The following CSMD1 variants were observed in gnomAD, a reference collection of about 807,000 sequenced individuals.
CSMD1 encodes CUB and sushi domain-containing protein 1.
Under a neutral mutation model 417.5 loss-of-function variants are expected in CSMD1, and 213 were observed. The observed-to-expected ratio is 0.51, with a 90% CI of 0.46 to 0.57. CSMD1 has a LOEUF of 0.57. Among genes scored for constraint, CSMD1 ranks in the 20% least tolerant of loss-of-function variants. CSMD1 has a pLI of 0.00. For synonymous variants in CSMD1, 2,862 were observed against 1,736.8 expected (o/e 1.65, Z -16.11); for missense variants, 6,923 against 4,529.7 (o/e 1.53, Z -15.17).
chr8:4,651,071 T>G (rs1380670716), intron 1 of CSMD1, among the ~76,000 whole-genome samples: 1 of 152,118 alleles, frequency 6.6e-6, no homozygotes, highest in African/African-American at 2.4e-5. Flanking sequence ...TTAGATCTAG[T>G]GCAGATGTCT....
chr8:3,603,700 T>A (rs1322593090), intron 8 of CSMD1, among the ~76,000 whole-genome samples: 1 of 152,232 alleles, frequency 6.6e-6, no homozygotes, highest in East Asian at 1.9e-4. Context: ...TTGTATTCAT[T>A]ATAGTTTCCA....
At chr8:3,725,208 G>A (rs1802414267) in intron 6 of CSMD1, among the ~76,000 whole-genome samples, 1 of 152,138 alleles carries the variant, frequency 6.6e-6, no homozygotes, top group Non-Finnish European at 1.5e-5. Flanking sequence ...AAATGAAAGT[G>A]AAAAGAGATT....
intron 3 of CSMD1, among the ~76,000 whole-genome samples, chr8:4,039,155 A>C (rs995709904): frequency 1.3e-5 from 2 of 152,202 alleles, no homozygotes; most frequent in African/African-American, 4.8e-5. Context: ...GCATGTGTAC[A>C]ATCAGTGGAA....
At chr8:3,485,574 G>A (rs1404631211) in intron 11 of CSMD1, among the ~76,000 whole-genome samples, 2 of 150,756 alleles carry the variant, frequency 1.3e-5, no homozygotes, top group Non-Finnish European at 3.0e-5. Flanking sequence ...GGGAGAGAGA[G>A]AAACACAAAT....
intron 1 of CSMD1, among the ~76,000 whole-genome samples, chr8:4,752,656 C>A (rs569129964): frequency 3.3e-5 from 5 of 152,224 alleles, no homozygotes; most frequent in Admixed American, 3.3e-4. Flanking sequence ...TATTTTCTCT[C>A]CAGCAGATAA....
At chr8:3,119,945 T>C (rs1817099470) in intron 41 of CSMD1, among the ~76,000 whole-genome samples, 1 of 152,148 alleles carries the variant, frequency 6.6e-6, no homozygotes, top group South Asian at 2.1e-4. Context: ...AAATAAAGTC[T>C]CCGAGCTTCT....
At chr8:4,599,221 T>C (rs930440176) in intron 2 of CSMD1, among the ~76,000 whole-genome samples, 6 of 152,146 alleles carry the variant, frequency 3.9e-5, no homozygotes, top group Admixed American at 2.6e-4. Flanking sequence ...ATGATTCAGA[T>C]AGGACAAAAT....
chr8:4,068,934 A>T (rs1007210003), intron 3 of CSMD1, among the ~76,000 whole-genome samples: 4 of 152,204 alleles, frequency 2.6e-5, no homozygotes, highest in Non-Finnish European at 4.4e-5. Context: ...TTTGTGGAGA[A>T]ATTCTTAGCA....
chr8:4,789,331 C>G (rs1035024378), intron 1 of CSMD1, among the ~76,000 whole-genome samples: 7 of 152,166 alleles, frequency 4.6e-5, no homozygotes, highest in Non-Finnish European at 1.0e-4. Flanking sequence ...AAGCAGTCAA[C>G]TATAGACAAT....
At chr8:3,829,777 G>C (rs955393561) in intron 5 of CSMD1, among the ~76,000 whole-genome samples, 1 of 152,094 alleles carries the variant, frequency 6.6e-6, no homozygotes, top group African/African-American at 2.4e-5. Flanking sequence ...CTCCAAGACA[G>C]GAATATTGAA....
intron 1 of CSMD1, among the ~76,000 whole-genome samples, chr8:4,773,969 G>C (rs972844543): frequency 6.6e-6 from 1 of 152,206 alleles, no homozygotes; most frequent in Non-Finnish European, 1.5e-5. Context: ...GCAGAGGTGG[G>C]TGGATCGCCT....
intron 10 of CSMD1, among the ~76,000 whole-genome samples, chr8:3,567,842 TCTG>T (rs1274723467): frequency 6.6e-6 from 1 of 152,136 alleles, no homozygotes; most frequent in Non-Finnish European, 1.5e-5. Context: ...ATTAAATGAT[TCTG>T]CTTTCTCATT....
chr8:3,725,196 G>A (rs1191845903), intron 6 of CSMD1, among the ~76,000 whole-genome samples: 1 of 152,118 alleles, frequency 6.6e-6, no homozygotes, highest in Non-Finnish European at 1.5e-5. Context: ...GTAGGTTCAA[G>A]GAAATGAAAG....
chr8:3,867,549 G>C (rs997635244), intron 5 of CSMD1, among the ~76,000 whole-genome samples: 4 of 152,132 alleles, frequency 2.6e-5, no homozygotes, highest in African/African-American at 9.7e-5. Context: ...AGGCTAGTGA[G>C]AGACGTCTAA....
At chr8:3,438,653 G>A (rs1434997829) in intron 12 of CSMD1, among the ~76,000 whole-genome samples, 3 of 152,160 alleles carry the variant, frequency 2.0e-5, no homozygotes, top group African/African-American at 7.2e-5. Flanking sequence ...CATCTTCAAT[G>A]ACATTTGGGT....
intron 5 of CSMD1, among the ~76,000 whole-genome samples, chr8:3,768,764 A>C: frequency 6.6e-6 from 1 of 152,122 alleles, no homozygotes; most frequent in East Asian, 1.9e-4. Flanking sequence ...TTATTGACAC[A>C]CTCTCAGAAA....
chr8:4,691,201 G>A (rs1213075005), intron 1 of CSMD1, among the ~76,000 whole-genome samples: 3 of 152,220 alleles, frequency 2.0e-5, no homozygotes, highest in Non-Finnish European at 1.5e-5. Context: ...CAAATCAGCA[G>A]CAAACTCCTA....
intron 3 of CSMD1, among the ~76,000 whole-genome samples, chr8:4,390,818 G>A (rs111529901): frequency 6.6e-6 from 1 of 152,116 alleles, no homozygotes; most frequent in Admixed American, 6.6e-5. Context: ...TGGGATTACA[G>A]ACATGAGCCA....
At chr8:3,793,383 C>G (rs964767558) in intron 5 of CSMD1, among the ~76,000 whole-genome samples, 1 of 152,068 alleles carries the variant, frequency 6.6e-6, no homozygotes, top group African/African-American at 2.4e-5. Flanking sequence ...TGTTCAGAAA[C>G]CAACCCATAT....
Sources: gnomAD v4.1 joint callset for allele counts (sites outside exome capture counted in the v4.1 genomes callset) on GRCh38, gnomAD v4.1.1 for gene constraint, MANE v1.5 for transcripts, NCBI Gene and HGNC (gene_info 2026-07-23, HGNC 2026-07-21) for gene names.